The following METTL25 variants were observed in gnomAD, a reference collection of about 807,000 sequenced individuals.
The protein encoded by METTL25 is probable methyltransferase-like protein 25.
Under a neutral mutation model 71.6 loss-of-function variants are expected in METTL25, and 64 were observed. That is an observed-to-expected ratio of 0.89 (90% CI 0.73 to 1.10). The LOEUF is 1.10. METTL25 is among the 50% of genes least tolerant of loss of function. The pLI is 0.00. For synonymous variants in METTL25, 287 were observed against 250.3 expected, an observed-to-expected ratio of 1.15 and a Z score of -1.38; for missense variants, 807 against 707.0, an observed-to-expected ratio of 1.14 and a Z score of -1.60.
chr12:82,438,086 C>T (rs1261907411), intron 7 of METTL25, among the ~76,000 whole-genome samples: 3 of 151,790 alleles, frequency 2.0e-5, no homozygotes, highest in African/African-American at 7.2e-5. Context: ...TTGCTTCTTT[C>T]CATTCAAAAA....
chr12:82,399,238 T>A lies in METTL25; in HGVS notation c.975T>A (p.Pro325=), dbSNP rs1025325475. 6.2e-7 allele frequency: 1 copy of A among 1,613,444 alleles called. No individual in the cohort carries two copies. The highest frequency in any genetic ancestry group is 1.7e-5 in the Admixed American group (1 of 59,964). Residue 325 remains proline (P), a synonymous_variant, in exon 4 of 12, where the codon CCT becomes CCA. Coordinates refer to ENST00000248306, the MANE Select transcript of METTL25 (RefSeq NM_032230.3). ...INLLPINAVE[P]TSSQQIPNRE... ...TTTTGCCTATTAATGCTGTAGAGCC[T>A]ACTTCTTCACAGCAAATACCCAACA...
chr12:82,414,391 G>A (rs1369082003), intron 5 of METTL25, among the ~76,000 whole-genome samples: 1 of 152,124 alleles, frequency 6.6e-6, no homozygotes, highest in Non-Finnish European at 1.5e-5. Flanking sequence ...TTTTGCCATG[G>A]GGCATGTTCT....
chr12:82,426,621 C>A (rs1319092501), intron 5 of METTL25, among the ~76,000 whole-genome samples: 1 of 151,976 alleles, frequency 6.6e-6, no homozygotes, highest in Non-Finnish European at 1.5e-5. Context: ...CGTAACCCTC[C>A]TTCAGCCTCA....
In METTL25 at chr12:82,438,736, T is replaced by C. The variant is rs1890112185; in HGVS notation, c.1423T>C (p.Phe475Leu). 6.5e-7 allele frequency: 1 copy of C among 1,534,728 alleles called. No individual in the cohort carries two copies. The highest frequency in any genetic ancestry group is 8.8e-7 in the Non-Finnish European group (1 of 1,136,090). The stretch of plus-strand genomic sequence containing the variant: ...TTTTCAGCTGCCTACTGAATCACTC[T>C]TCTATCGTGCTGTTCTTCAGGATAT... ...AGQGLPTESL[F>L]YRAVLQDIIK... The change falls in exon 8 of 12, where the codon TTC (phenylalanine) becomes CTC (leucine). Residue 475 changes from phenylalanine (F) to leucine (L), a missense_variant. Phe to Leu is a conservative substitution (Grantham distance 22). Transcript: ENST00000248306.
chr12:82,451,400 T>A, intron 8 of METTL25: 1 of 290,698 alleles, frequency 3.4e-6, no homozygotes. Flanking sequence ...CGTGGTCATA[T>A]TATTTTATAT....
chr12:82,400,618 C>T (rs1010436619), intron 4 of METTL25, among the ~76,000 whole-genome samples: 5 of 151,832 alleles, frequency 3.3e-5, no homozygotes, highest in African/African-American at 1.2e-4. Flanking sequence ...CATTTTGTCA[C>T]CTTCTAATTT....
At chr12:82,386,769 T>C in intron 1 of METTL25, 34 bp from the exon 2 acceptor site, 1 of 1,570,286 alleles carries the variant, frequency 6.4e-7, no homozygotes. Context: ...CCATTAATTA[T>C]TGCTGAAGAC....
At chr12:82,413,633 G>T (rs1485753760) in intron 5 of METTL25, among the ~76,000 whole-genome samples, 2 of 151,928 alleles carry the variant, frequency 1.3e-5, no homozygotes, top group Non-Finnish European at 2.9e-5. Flanking sequence ...AGCAAGAGAG[G>T]GGTTAAATTA....
Position 82,398,861 on chromosome 12 carries a change from G to C in METTL25, c.598G>C (p.Val200Leu), listed in dbSNP as rs1483383773. 1.3e-6 allele frequency: 2 copies of C among 1,599,886 alleles called. No individual in the cohort carries two copies. The highest frequency in any genetic ancestry group is 1.1e-5 in the South Asian group (1 of 87,412). Residue 200 changes from valine to leucine, a missense_variant, in exon 4 of 12, where the codon GTT (valine) becomes CTT (leucine). By Grantham distance (32) the Val-to-Leu change is conservative (BLOSUM62 1). Coordinates refer to ENST00000248306, the MANE Select transcript of METTL25 (RefSeq NM_032230.3). Reference protein sequence around the residue: ...SFLSLKYGLKVYGIDSSNTNT... With the variant: ...SFLSLKYGLKLYGIDSSNTNT... ...TTTGTCCTTGAAGTATGGCTTAAAA[G>C]TTTATGGAATTGATTCTTCAAATAC...
chr12:82,375,299 G>T (rs1883716708), intron 1 of METTL25, among the ~76,000 whole-genome samples: 1 of 152,110 alleles, frequency 6.6e-6, no homozygotes, highest in South Asian at 2.1e-4. Context: ...GTATAAAAGA[G>T]GTACAAGGAA....
chr12:82,446,771 C>T (rs1890780879), intron 8 of METTL25, among the ~76,000 whole-genome samples: 1 of 151,920 alleles, frequency 6.6e-6, no homozygotes, highest in Admixed American at 6.6e-5. Flanking sequence ...TGTAAGCTAC[C>T]ACACCCGGCT....
chr12:82,433,657 C>T (rs1889700666), intron 6 of METTL25, among the ~76,000 whole-genome samples: 1 of 151,514 alleles, frequency 6.6e-6, no homozygotes, highest in East Asian at 1.9e-4. Flanking sequence ...GGAAAGTTAA[C>T]TTATCTTGAT....
chr12:82,381,018 G>A (rs1033222069), intron 1 of METTL25, among the ~76,000 whole-genome samples: 1 of 152,156 alleles, frequency 6.6e-6, no homozygotes, highest in Non-Finnish European at 1.5e-5. Context: ...TTCTAACTGG[G>A]AGTTGCTGAA....
chr12:82,393,369 G>T (rs1885775183), intron 3 of METTL25, among the ~76,000 whole-genome samples: 1 of 151,604 alleles, frequency 6.6e-6, no homozygotes, highest in South Asian at 2.1e-4. Context: ...TATTCCTAGG[G>T]ATCTTATTTT....
rs545032972 is a variant in METTL25, at chr12:82,372,187, T to A, written c.259+13363T>A. Among the ~76,000 whole-genome samples the A allele has an allele frequency of 3.9e-5, 6 of 152,308 alleles. No individual in the cohort carries two copies. The South Asian group carries it at 1.2e-3, about 32-fold the overall frequency. On this transcript the variant is annotated intron_variant, in intron 1 of 11. Transcript: ENST00000248306. ...TAGGACATCCATATACCTATCAGGA[T>A]CATCTGAATGCTTCCCCAGGTCTGC...
intron 5 of METTL25, 55 bp downstream of exon 5, chr12:82,403,185 C>T (rs535446951): frequency 6.7e-7 from 1 of 1,496,776 alleles, no homozygotes; most frequent in African/African-American, 1.4e-5. Flanking sequence ...ATGAAATATG[C>T]TATTTCTATT....
At chr12:82,431,630 AATT>A (rs1455970445) in intron 6 of METTL25, among the ~76,000 whole-genome samples, 1 of 151,608 alleles carries the variant, frequency 6.6e-6, no homozygotes, top group Admixed American at 6.6e-5. Flanking sequence ...CACAAACAGT[AATT>A]ATGTAAGATG....
At chr12:82,462,228 C>T (rs1342002926) in intron 9 of METTL25, among the ~76,000 whole-genome samples, 3 of 152,182 alleles carry the variant, frequency 2.0e-5, no homozygotes, top group African/African-American at 7.2e-5. Flanking sequence ...AAGAGGCTCT[C>T]ACTGGCTTTA....
At chr12:82,443,267 A>G (rs1352045261) in intron 8 of METTL25, among the ~76,000 whole-genome samples, 3 of 152,020 alleles carry the variant, frequency 2.0e-5, no homozygotes, top group African/African-American at 4.8e-5. Flanking sequence ...AGACAAAGGG[A>G]AAATTCTTAA....
Sources: gnomAD v4.1 joint callset for allele counts (sites outside exome capture counted in the v4.1 genomes callset) on GRCh38, gnomAD v4.1.1 for gene constraint, MANE v1.5 for transcripts, NCBI Gene and HGNC (gene_info 2026-07-23, HGNC 2026-07-21) for gene names.